The following MICAL2 variants were observed in gnomAD, a reference collection of about 807,000 sequenced individuals.
The protein encoded by MICAL2 is microtubule associated monooxygenase, calponin and LIM domain containing 2.
A neutral mutation model predicts 127.3 loss-of-function variants in MICAL2; 77 were observed. The observed-to-expected ratio is 0.60, with a 90% CI of 0.50 to 0.73. The LOEUF is 0.73. MICAL2 is among the 30% of genes least tolerant of loss of function. The probability of loss-of-function intolerance (pLI) is 0.00; values close to 1 mark genes in which losing one functional copy is unlikely to be tolerated. For synonymous variants in MICAL2, 570 were observed against 551.1 expected (o/e 1.03, Z -0.48); for missense variants, 1,351 against 1,434.4 (o/e 0.94, Z 0.94).
chr11:12,338,406 C>T (rs974409946), intron 32 of MICAL2, among the ~76,000 whole-genome samples: 1 of 152,190 alleles, frequency 6.6e-6, no homozygotes, highest in Non-Finnish European at 1.5e-5. Context: ...GACTCTTTAT[C>T]CAATTTGCCA....
chr11:12,220,630 G>C (rs1328493594), intron 9 of MICAL2, among the ~76,000 whole-genome samples, 172 bp downstream of exon 9: 1 of 152,262 alleles, frequency 6.6e-6, no homozygotes, highest in African/African-American at 2.4e-5. Context: ...GCTGCACTCA[G>C]AGGAGCCTAT....
chr11:12,216,353 G>A (rs754404852), intron 8 of MICAL2, 34 bp downstream of exon 8: 34 of 1,520,194 alleles, frequency 2.2e-5, no homozygotes, highest in Middle Eastern at 1.7e-4. Context: ...TCCCGACTTC[G>A]CGACCTGGGC....
intron 15 of MICAL2, 97 bp from the exon 16 acceptor site, chr11:12,236,080 C>A: frequency 9.9e-7 from 1 of 1,007,158 alleles, no homozygotes; most frequent in African/African-American, 1.6e-5. Flanking sequence ...ACATCCTCAG[C>A]GCCAGCTCAA....
chr11:12,164,857 G>A (rs897529816), intron 3 of MICAL2, among the ~76,000 whole-genome samples: 1 of 152,204 alleles, frequency 6.6e-6, no homozygotes, highest in Non-Finnish European at 1.5e-5. Context: ...GTCCTTGGCT[G>A]GGCGTCGCGG....
chr11:12,235,637 C>T (rs1858940825), intron 15 of MICAL2, among the ~76,000 whole-genome samples: 2 of 152,148 alleles, frequency 1.3e-5, no homozygotes, highest in Non-Finnish European at 2.9e-5. Flanking sequence ...ACTTGATTTG[C>T]CATCAAATCC....
intron 1 of MICAL2, among the ~76,000 whole-genome samples, chr11:12,136,414 G>A (rs1851840954): frequency 6.6e-6 from 1 of 152,078 alleles, no homozygotes; most frequent in African/African-American, 2.4e-5. Context: ...TGTCTTACAG[G>A]GTTGCTGGGA....
chr11:12,157,265 C>T (rs968909828), intron 2 of MICAL2, among the ~76,000 whole-genome samples: 1 of 152,176 alleles, frequency 6.6e-6, no homozygotes, highest in East Asian at 1.9e-4. Context: ...ACCTGCAGAT[C>T]GGGATGGGGA....
intron 2 of MICAL2, among the ~76,000 whole-genome samples, chr11:12,159,113 C>G (rs1245262318): frequency 2.6e-5 from 4 of 152,116 alleles, no homozygotes; most frequent in Admixed American, 6.5e-5. Flanking sequence ...TTATCTCACT[C>G]TAGATAAGGG....
chr11:12,260,100 C>T, intron 26 of MICAL2: 1 of 1,536,406 alleles, frequency 6.5e-7, no homozygotes, highest in Non-Finnish European at 8.7e-7. Context: ...CAGCCATGTA[C>T]AGGGAATCTG....
intron 24 of MICAL2, among the ~76,000 whole-genome samples, chr11:12,270,157 C>T (rs1324277785): frequency 6.6e-6 from 1 of 152,198 alleles, no homozygotes; most frequent in Non-Finnish European, 1.5e-5. Flanking sequence ...CTGCCTGCCA[C>T]AAGCATCTTC....
intron 3 of MICAL2, among the ~76,000 whole-genome samples, chr11:12,188,436 C>G (rs748873306): frequency 1.3e-5 from 2 of 152,074 alleles, no homozygotes; most frequent in Non-Finnish European, 2.9e-5. Flanking sequence ...TATTGTCATG[C>G]TGTTGGGAGA....
chr11:12,191,471 C>A (rs371473693), intron 3 of MICAL2, among the ~76,000 whole-genome samples: 65 of 133,506 alleles, frequency 4.9e-4, no homozygotes, highest in Non-Finnish European at 6.1e-4. Flanking sequence ...GACTATGTCT[C>A]AAAAAAAAAA....
rs999286231 is a variant in MICAL2 at position 12,243,597 on chromosome 11, AGAGGCCCCTGCT to A, written c.2659-388_2659-377del. On this transcript the variant is annotated intron_variant, in intron 20 of 27. Transcript: ENST00000683283. ...TAGCACAGTTGCTTGCTGCAGCTATAGAGGCCCCTGCTGTGGCCACCTGCCCTAAAGCAGCCC... is the reference window on the plus strand; with the variant it reads ...TAGCACAGTTGCTTGCTGCAGCTATAGTGGCCACCTGCCCTAAAGCAGCCC... Among the ~76,000 whole-genome samples the A allele has an allele frequency of 2.0e-5, 3 of 152,338 alleles. No individual in the cohort carries two copies. In the East Asian group the frequency reaches 5.8e-4, roughly 29 times the overall value.
At position 12,342,656 on chromosome 11, in the gene MICAL2, G is replaced by A. The variant is rs141667511; in HGVS notation, c.5516-7182G>A. 7.2e-4 allele frequency among the ~76,000 whole-genome samples: 110 copies of A among 152,328 alleles called. 1 individual carries two copies. Among genetic ancestry groups the A allele is most frequent in the Non-Finnish European group, 1.3e-3 (88 of 68,034 alleles). On this transcript the variant is annotated intron_variant, in intron 32 of 34. Transcript: ENST00000646065. The stretch of plus-strand genomic sequence containing the variant: ...TACTATGTGCCAAGCACAATGCTTA[G>A]CCAAGCACAATGCTAAGCATTTGAC...
intron 16 of MICAL2, 72 bp from the exon 17 acceptor site, chr11:12,239,364 A>C: frequency 6.2e-7 from 1 of 1,601,230 alleles, no homozygotes; most frequent in Non-Finnish European, 8.5e-7. Context: ...CCACGTCCTG[A>C]GTCCCCAAGT....
At position 12,262,475 on chromosome 11, in the gene MICAL2, A is replaced by G. The variant is rs1329063303; in HGVS notation, c.3335-5A>G. 2.5e-6 allele frequency: 4 copies of G among 1,613,644 alleles called. No individual in the cohort carries two copies. The highest frequency in any genetic ancestry group is 1.3e-5 in the African/African-American group (1 of 74,950). On this transcript the variant is annotated splice_region_variant and splice_polypyrimidine_tract_variant and intron_variant, in intron 26 of 27. Transcript: ENST00000683283. ...CTCTTTCCAATCTTACGCCATGGCC[A>G]TCAGTTCATTTCAGCCTTCCAGTGC...
At chr11:12,273,544 G>GTT (rs11334681), upstream of MICAL2, among the ~76,000 whole-genome samples, 1,638 of 143,726 alleles carry the variant, frequency 0.011, 16 homozygotes, top group African/African-American at 0.028. Flanking sequence ...CTGCAGACAT[G>GTT]TTTTTTTTTT....
intron 21 of MICAL2, among the ~76,000 whole-genome samples, chr11:12,246,301 C>T (rs369503576): frequency 3.3e-5 from 5 of 152,262 alleles, no homozygotes; most frequent in Admixed American, 1.3e-4. Flanking sequence ...GCTCTTCAGG[C>T]AGCCCTCCCC....
intron 32 of MICAL2, among the ~76,000 whole-genome samples, chr11:12,332,430 T>C (rs10831789): frequency 0.12 from 18,890 of 152,188 alleles, 1,465 homozygotes; most frequent in South Asian, 0.22. Context: ...TAATGGGATA[T>C]TGTCAGAAAA....
Sources: allele counts gnomAD v4.1 joint callset (sites outside exome capture counted in the v4.1 genomes callset), GRCh38; gene constraint gnomAD v4.1.1; transcripts MANE v1.5; gene names NCBI Gene and HGNC (gene_info 2026-07-23, HGNC 2026-07-21).